SGK2: variants seen among roughly 807,000 people sequenced by gnomAD.
SGK2 encodes serine/threonine-protein kinase Sgk2.
Under a neutral mutation model 47.5 loss-of-function variants are expected in SGK2, and 36 were observed. The ratio of observed to expected loss-of-function variants is 0.76; its 90% confidence interval spans 0.58 to 1.00. The LOEUF (loss-of-function observed/expected upper bound fraction) is 1.00, where lower values mean the gene tolerates loss of function less well. Among genes scored for constraint, SGK2 ranks in the 50% least tolerant of loss-of-function variants. SGK2 has a pLI of 0.00. For missense variants in SGK2, 404 were observed against 467.4 expected (o/e 0.86, Z 1.25); for synonymous variants, 157 against 181.9 (o/e 0.86, Z 1.10).
intron 12 of SGK2, among the ~76,000 whole-genome samples, chr20:43,582,041 A>C (rs1316776551): frequency 6.6e-6 from 1 of 152,188 alleles, no homozygotes; most frequent in South Asian, 2.1e-4. Flanking sequence ...AAAGATGGTT[A>C]GTTTTTTAAA....
intron 10 of SGK2, 105 bp from the exon 11 acceptor site, chr20:43,576,118 AG>A: frequency 2.3e-6 from 3 of 1,318,350 alleles, no homozygotes; most frequent in Non-Finnish European, 3.2e-6. Flanking sequence ...TGCACAAGAC[AG>A]GGGTCATACT....
rs1980184713 is a variant in SGK2, at chr20:43,572,210, G to C, written c.597+73G>C. 6.9e-6 allele frequency: 8 copies of C among 1,154,432 alleles called. No homozygotes were observed. In the South Asian group the frequency reaches 1.1e-4, roughly 15 times the overall value. 71.5% of individuals were successfully genotyped at this position (1,154,432 alleles called of 1,614,324 possible). ...CACAGCTCCTGATTAGAGCCAACAGGTTACAGTGAAGGGGACTCACTCCTT... is the reference window on the plus strand; with the variant it reads ...CACAGCTCCTGATTAGAGCCAACAGCTTACAGTGAAGGGGACTCACTCCTT... On this transcript the variant is annotated intron_variant, in intron 9 of 12. Coordinates refer to ENST00000373100, the MANE Select transcript of SGK2 (RefSeq NM_170693.3). The surrounding 1 kb of genome is among the most constrained non-coding windows in gnomAD (Gnocchi z 4.2).
chr20:43,579,225 A>G (rs1290689901), intron 11 of SGK2, among the ~76,000 whole-genome samples: 1 of 152,078 alleles, frequency 6.6e-6, no homozygotes, highest in Non-Finnish European at 1.5e-5. Flanking sequence ...CATGTTGACC[A>G]GGTTGGTCAT....
intron 2 of SGK2, 125 bp from the exon 3 acceptor site, chr20:43,566,943 A>G: frequency 1.4e-6 from 1 of 730,672 alleles, no homozygotes; most frequent in South Asian, 1.7e-5. Flanking sequence ...AGGTGAAAAA[A>G]AAAGAAAAGA....
chr20:43,571,147 TG>T (rs1980103961), intron 8 of SGK2, 87 bp downstream of exon 8: 1 of 1,586,224 alleles, frequency 6.3e-7, no homozygotes, highest in Non-Finnish European at 8.6e-7. Flanking sequence ...TCTGTGTACA[TG>T]GGTGTGCATG....
intron 1 of SGK2, chr20:43,565,173 C>T (rs1015306680): frequency 6.6e-6 from 1 of 152,292 alleles, no homozygotes; most frequent in Non-Finnish European, 1.5e-5. Flanking sequence ...CAGGCCGGCA[C>T]CAGGCACAGA....
chr20:43,568,079 C>A, intron 5 of SGK2, 80 bp downstream of exon 5: 1 of 1,145,718 alleles, frequency 8.7e-7, no homozygotes, highest in Non-Finnish European at 1.3e-6. Flanking sequence ...ATGGGTCCCA[C>A]CTCTGACAGG....
chr20:43,585,136 C>A lies in SGK2; in HGVS notation c.*120C>A. The stretch of plus-strand genomic sequence containing the variant: ...CAACGAGAAGCAGGTTTATTTTTTC[C>A]AGCACATAAAAGAAAAATAATGTTT... On this transcript the variant is annotated 3_prime_UTR_variant, in exon 13 of 13. Transcript: ENST00000373100. 1 of 983,150 alleles carries A rather than the reference C, an allele frequency of 1.0e-6. No individual in the cohort carries two copies. Among genetic ancestry groups the A allele is most frequent in the Non-Finnish European group, 1.5e-6 (1 of 666,954 alleles). The allele number at this position is 983,150 out of a possible 1,614,324, so 60.9% of individuals were successfully genotyped here. A position where few individuals can be genotyped will look rare whatever the true frequency, so the allele number is the denominator to read the frequency against.
In SGK2 at chr20:43,569,400, G is replaced by C. The variant is rs749720747; in HGVS notation, c.244G>C (p.Ala82Pro). ...LKKKEQSHIM[A>P]ERSVLLKNVR... ...GACTCCACAGCAGAGCCACATCATG[G>C]CAGAGCGCAGTGTGCTTCTGAAGAA... is the stretch of plus-strand genomic sequence containing the variant. Residue 82 changes from alanine to proline, a missense_variant, in exon 6 of 13, where the codon GCA (alanine) becomes CCA (proline). Coordinates refer to ENST00000373100, the MANE Select transcript of SGK2 (RefSeq NM_170693.3). 6.2e-7 allele frequency: 1 copy of C among 1,613,898 alleles called. No homozygotes were observed. The highest frequency in any genetic ancestry group is 1.1e-5 in the South Asian group (1 of 91,074).
Position 43,566,520 on chromosome 20 carries a change from C to T in SGK2, c.25C>T (p.Pro9Ser). Residue 9 changes from proline (P) to serine (S), a missense_variant, in exon 2 of 13, where the codon CCA (proline) becomes TCA (serine). Transcript: ENST00000373100. ...AATGAACTCTAGCCCAGCTGGGACC[C>T]CAAGTCCACAGGTGAGTGGTTCTTG... MNSSPAGT[P>S]SPQPSRANGN... 1 of 1,612,952 alleles carries T rather than the reference C, an allele frequency of 6.2e-7. No individual in the cohort carries two copies. Among genetic ancestry groups the T allele is most frequent in the Non-Finnish European group, 8.5e-7 (1 of 1,179,334 alleles).
intron 12 of SGK2, among the ~76,000 whole-genome samples, chr20:43,581,763 G>A (rs576273551): frequency 1.3e-5 from 2 of 151,932 alleles, no homozygotes; most frequent in South Asian, 4.2e-4. Flanking sequence ...TCCTGGCCCC[G>A]AGTGATCCAC....
At chr20:43,568,126 G>A (rs116901202) in intron 5 of SGK2, 127 bp downstream of exon 5, 17,191 of 698,986 alleles carry the variant, frequency 0.025, 294 homozygotes, top group Non-Finnish European at 0.032. Flanking sequence ...CACAACAAAG[G>A]GTAGAGGGGA....
intron 12 of SGK2, 55 bp downstream of exon 12, chr20:43,580,116 A>G: frequency 8.8e-7 from 1 of 1,141,604 alleles, no homozygotes; most frequent in Non-Finnish European, 1.3e-6. Flanking sequence ...GGAGCTTGCT[A>G]TGCTTGCCAA....
rs1979961791 is a variant in SGK2, at chr20:43,569,465, C to T, written c.309C>T (p.Phe103=). Residue 103 remains phenylalanine, a synonymous_variant, in exon 6 of 13, where the codon TTC becomes TTT. Coordinates refer to ENST00000373100, the MANE Select transcript of SGK2 (RefSeq NM_170693.3). ...TCCTCGTGGGCCTGCGCTACTCCTT[C>T]CAGACACCTGAGAAGCTCTACTTCG... ...HPFLVGLRYS[F]QTPEKLYFVL... The T allele has an allele frequency of 9.3e-6, 15 of 1,613,896 alleles. No homozygotes were observed. The East Asian group carries it at 2.9e-4, about 31-fold the overall frequency.
In SGK2 at chr20:43,581,127, G is replaced by A. The variant is rs556303584; in HGVS notation, c.939+1066G>A. 3.8e-3 allele frequency among the ~76,000 whole-genome samples: 583 copies of A among 152,082 alleles called. 3 individuals carry two copies. The highest frequency in any genetic ancestry group is 0.011 in the South Asian group (54 of 4,812). ...CCTGACCTCGTGATCCGCCCGCCTC[G>A]GCCTCCCAAAGTGCTGGGATTACAG... On this transcript the variant is annotated intron_variant, in intron 12 of 12. Coordinates refer to ENST00000373100, the MANE Select transcript of SGK2 (RefSeq NM_170693.3).
rs1276043259 is a variant in SGK2 at position 43,571,153 on chromosome 20, T to A, written c.510+93T>A. ...GACCATGAGTCTGTGTACATGGGTG[T>A]GCATGCATTGTACATGTATGCATAT... On this transcript the variant is annotated intron_variant, in intron 8 of 12. Transcript: ENST00000373100. The A allele has an allele frequency of 1.9e-6, 3 of 1,580,022 alleles. No individual in the cohort carries two copies. In the African/African-American group the frequency reaches 4.1e-5, roughly 21 times the overall value.
rs1011621086 is a variant in SGK2, at chr20:43,569,501, T to C, written c.345T>C (p.Tyr115=). 5 of 1,613,224 alleles carry C rather than the reference T, an allele frequency of 3.1e-6. No homozygotes were observed. The highest frequency in any genetic ancestry group is 1.7e-4 in the Middle Eastern group (1 of 6,060). The part of the protein sequence containing the change: ...TPEKLYFVLD[Y]VNGGELFFHL... ...AGAAGCTCTACTTCGTGCTCGACTA[T>C]GTCAACGGGGGAGAGGTGGGTGGGC... Residue 115 remains tyrosine (Y), a synonymous_variant, in exon 6 of 13, where the codon TAT becomes TAC. Coordinates refer to ENST00000373100, the MANE Select transcript of SGK2 (RefSeq NM_170693.3).
intron 11 of SGK2, among the ~76,000 whole-genome samples, chr20:43,579,569 T>C (rs1980665199): frequency 1.3e-5 from 2 of 152,170 alleles, no homozygotes; most frequent in Admixed American, 6.6e-5. Context: ...TGATTTAGTC[T>C]ACTTCTCTGG....
chr20:43,583,755 G>A (rs1036252060), intron 12 of SGK2: 3 of 283,058 alleles, frequency 1.1e-5, no homozygotes, highest in African/African-American at 6.8e-5. Context: ...CATTGCTTGA[G>A]GCCAGGAGTT....
Sources: gnomAD v4.1 joint callset for allele counts (sites outside exome capture counted in the v4.1 genomes callset) on GRCh38, gnomAD v4.1.1 for gene constraint, Gnocchi (gnomAD v3.1) non-coding constraint, MANE v1.5 for transcripts, NCBI Gene and HGNC (gene_info 2026-07-23, HGNC 2026-07-21) for gene names.